Variants in EPHA6 observed in about 807,000 individuals in gnomAD.
The protein encoded by EPHA6 is EPH receptor A6, also known as ephrin type-A receptor 6.
A neutral mutation model predicts 112.0 loss-of-function variants in EPHA6; 50 were observed. The ratio of observed to expected loss-of-function variants is 0.45; its 90% confidence interval spans 0.36 to 0.56. EPHA6 has a LOEUF of 0.56. Among genes scored for constraint, EPHA6 ranks in the 20% least tolerant of loss-of-function variants. The pLI is 0.00. For synonymous variants in EPHA6, 529 were observed against 490.7 expected (o/e 1.08, Z -1.03); for missense variants, 1,280 against 1,417.4 (o/e 0.90, Z 1.56).
intron 11 of EPHA6, among the ~76,000 whole-genome samples, chr3:97,587,112 G>C (rs1175939013): frequency 6.6e-6 from 1 of 151,938 alleles, no homozygotes; most frequent in Admixed American, 6.6e-5. Context: ...ACATGGCGGC[G>C]GGCACCTGTA....
intron 3 of EPHA6, among the ~76,000 whole-genome samples, chr3:97,166,043 T>C (rs1490438807): frequency 6.6e-6 from 1 of 152,172 alleles, no homozygotes; most frequent in Non-Finnish European, 1.5e-5. Flanking sequence ...TGGAATAGGC[T>C]TAGAATATCT....
At chr3:97,054,356 GA>G (rs1369753696) in intron 3 of EPHA6, among the ~76,000 whole-genome samples, 1 of 152,028 alleles carries the variant, frequency 6.6e-6, no homozygotes, top group Admixed American at 6.6e-5. Flanking sequence ...ACAAACACCA[GA>G]CTGCAATTCA....
intron 13 of EPHA6, among the ~76,000 whole-genome samples, chr3:97,620,720 C>T (rs759600602): frequency 3.3e-5 from 5 of 152,008 alleles, no homozygotes; most frequent in African/African-American, 4.8e-5. Context: ...GAGTTACCAT[C>T]TCACACCAGT....
intron 5 of EPHA6, among the ~76,000 whole-genome samples, chr3:97,277,502 T>C (rs115498374): frequency 0.051 from 7,721 of 152,174 alleles, 610 homozygotes; most frequent in African/African-American, 0.17. Context: ...GATGTGTACG[T>C]GCAGTCACAG....
chr3:97,628,831 T>C (rs1268039012), intron 13 of EPHA6, among the ~76,000 whole-genome samples: 5 of 152,032 alleles, frequency 3.3e-5, no homozygotes, highest in African/African-American at 1.2e-4. Flanking sequence ...GTGCATGTGG[T>C]TATATTTGTG....
At chr3:97,538,981 C>CTCTT (rs796705721) in intron 11 of EPHA6, among the ~76,000 whole-genome samples, 21,156 of 130,004 alleles carry the variant, frequency 0.16, 2,008 homozygotes, top group African/African-American at 0.19. Context: ...CACTTTCTCT[C>CTCTT]TCTTTCTTTC....
intron 11 of EPHA6, among the ~76,000 whole-genome samples, chr3:97,585,632 T>C (rs1240403933): frequency 6.6e-6 from 1 of 151,338 alleles, no homozygotes; most frequent in Non-Finnish European, 1.5e-5. Flanking sequence ...AATAAAACAG[T>C]AATGGTCATA....
chr3:97,485,418 A>G (rs2091675609), intron 10 of EPHA6, among the ~76,000 whole-genome samples: 2 of 152,192 alleles, frequency 1.3e-5, no homozygotes, highest in Non-Finnish European at 2.9e-5. Flanking sequence ...CATGAAGCTA[A>G]TCCTGTTTCC....
intron 3 of EPHA6, among the ~76,000 whole-genome samples, chr3:97,222,006 C>A (rs1451471972): frequency 1.6e-4 from 23 of 145,176 alleles, no homozygotes; most frequent in Non-Finnish European, 3.4e-4. Flanking sequence ...CCAGCCTGGA[C>A]AACAGAGCCA....
chr3:97,139,545 C>T (rs2075846409), intron 3 of EPHA6, among the ~76,000 whole-genome samples: 1 of 152,116 alleles, frequency 6.6e-6, no homozygotes, highest in South Asian at 2.1e-4. Flanking sequence ...AAATAACCAG[C>T]ATTTGAGAAA....
intron 10 of EPHA6, among the ~76,000 whole-genome samples, chr3:97,518,225 C>T (rs1482914926): frequency 6.6e-6 from 1 of 152,156 alleles, no homozygotes; most frequent in Non-Finnish European, 1.5e-5. Context: ...AAGGTTTTCC[C>T]TTTCTGCACG....
chr3:97,720,155 A>G (rs1374718019), intron 14 of EPHA6, 106 bp from the exon 15 acceptor site: 7 of 919,448 alleles, frequency 7.6e-6, no homozygotes, highest in Admixed American at 3.3e-5. Flanking sequence ...TGCCAGTGCT[A>G]TTATGAAGTA....
Position 97,758,716 on chromosome 3 carries a change from T to C in EPHA6, c.*10015T>C, listed in dbSNP as rs931277744. Among the ~76,000 whole-genome samples, 4 of 151,900 alleles carry C rather than the reference T, an allele frequency of 2.6e-5. No individual in the cohort carries two copies. The highest frequency in any genetic ancestry group is 6.6e-5 in the Admixed American group (1 of 15,228). On this transcript the variant is annotated 3_prime_UTR_variant, in exon 18 of 18. Coordinates refer to ENST00000389672, the MANE Select transcript of EPHA6 (RefSeq NM_001080448.3). ...GAAATCTTCCCCCAAGGACATGCCA[T>C]TTAAACTGATATCTGAAAAGCATGA...
chr3:97,459,531 C>G (rs2090814953), intron 7 of EPHA6, among the ~76,000 whole-genome samples: 1 of 152,150 alleles, frequency 6.6e-6, no homozygotes, highest in African/African-American at 2.4e-5. Flanking sequence ...GCCATCCTTA[C>G]CTTGCTACTG....
chr3:97,043,910 G>C (rs1424224226), intron 3 of EPHA6, among the ~76,000 whole-genome samples: 2 of 152,114 alleles, frequency 1.3e-5, no homozygotes, highest in African/African-American at 4.8e-5. Flanking sequence ...ATGGCTGAAG[G>C]AATTTGTCCA....
chr3:97,686,635 C>T (rs2032273509), intron 14 of EPHA6, among the ~76,000 whole-genome samples: 1 of 152,150 alleles, frequency 6.6e-6, no homozygotes, highest in Non-Finnish European at 1.5e-5. Context: ...TGCATAACAC[C>T]TTTTGGTTTC....
At chr3:97,746,031 G>A (rs1382409961) in intron 16 of EPHA6, among the ~76,000 whole-genome samples, 1 of 151,836 alleles carries the variant, frequency 6.6e-6, no homozygotes, top group Non-Finnish European at 1.5e-5. Context: ...AGCTGAAGTA[G>A]TTCAAATGTG....
intron 3 of EPHA6, among the ~76,000 whole-genome samples, chr3:97,084,504 G>A (rs1559717672): frequency 1.3e-5 from 2 of 151,882 alleles, no homozygotes; most frequent in Non-Finnish European, 2.9e-5. Flanking sequence ...TGGGCGAAAC[G>A]CAACAACAGG....
chr3:97,493,167 T>G (rs948302544), intron 10 of EPHA6, among the ~76,000 whole-genome samples: 4 of 152,100 alleles, frequency 2.6e-5, no homozygotes, highest in African/African-American at 9.7e-5. Context: ...TGTGTGTGTA[T>G]GTATACATAC....
Sources: gnomAD v4.1 joint callset for allele counts (sites outside exome capture counted in the v4.1 genomes callset) on GRCh38, gnomAD v4.1.1 for gene constraint, MANE v1.5 for transcripts, NCBI Gene and HGNC (gene_info 2026-07-23, HGNC 2026-07-21) for gene names.